YWHAE: variants seen among roughly 807,000 people sequenced by gnomAD.
YWHAE encodes 14-3-3 protein epsilon.
YWHAE carries 4 observed loss-of-function variants against 30.1 expected under a neutral mutation model. That is an observed-to-expected ratio of 0.13 (90% CI 0.07 to 0.30). YWHAE has a LOEUF of 0.30. Among genes scored for constraint, YWHAE ranks in the 10% least tolerant of loss-of-function variants. The pLI, the probability that YWHAE is intolerant of heterozygous loss-of-function variation, is 1.00. For synonymous variants in YWHAE, 118 were observed against 111.8 expected, an observed-to-expected ratio of 1.06 and a Z score of -0.35; for missense variants, 121 against 315.9, an observed-to-expected ratio of 0.38 and a Z score of 4.68.
chr17:1,345,685 T>C (rs2072505372), intron 5 of YWHAE, among the ~76,000 whole-genome samples, 186 bp from the exon 6 acceptor site: 1 of 152,148 alleles, frequency 6.6e-6, no homozygotes, highest in Non-Finnish European at 1.5e-5. Context: ...ATTATGGTCC[T>C]GAAAGTATTT....
At position 1,344,550 on chromosome 17, in the gene YWHAE, TAATTTAG is replaced by T; in HGVS notation, c.*890_*896del. ...ATGGAGGCGCGATATTTGGCATTTT[TAATTTAG>T]GTTTGTTTTATTTAAGTTTAATGTT... is the stretch of plus-strand genomic sequence containing the variant. On this transcript the variant is annotated 3_prime_UTR_variant, in exon 6 of 6. Transcript: ENST00000264335. 1 of 213,336 alleles carries T rather than the reference TAATTTAG, an allele frequency of 4.7e-6. No homozygotes were observed. Among genetic ancestry groups the T allele is most frequent in the Non-Finnish European group, 9.5e-6 (1 of 105,146 alleles). The allele number at this position is 213,336 out of a possible 1,614,324, so 13.2% of individuals were successfully genotyped here. A position where few individuals can be genotyped will look rare whatever the true frequency, so the allele number is the denominator to read the frequency against.
At chr17:1,383,596 C>T (rs1015273667) in intron 1 of YWHAE, among the ~76,000 whole-genome samples, 2 of 151,496 alleles carry the variant, frequency 1.3e-5, no homozygotes, top group Non-Finnish European at 2.9e-5. Flanking sequence ...CCATGTTGGC[C>T]AGGCTGGTCT....
chr17:1,354,974 T>TTG (rs1567957691), intron 4 of YWHAE, among the ~76,000 whole-genome samples: 1 of 69,782 alleles, frequency 1.4e-5, no homozygotes, highest in Non-Finnish European at 2.7e-5. Context: ...GTTTTTTTTT[T>TTG]TTTTTTTTTT....
chr17:1,394,445 A>AAAAAAAAAAAAAAAAACAAAAAC (rs1567987804), intron 1 of YWHAE, among the ~76,000 whole-genome samples: 1 of 142,504 alleles, frequency 7.0e-6, no homozygotes, highest in African/African-American at 2.9e-5. Context: ...ACAAAAAAAA[A>AAAAAAAAAAAAAAAAACAAAAAC]AAAAAAAAAA....
At chr17:1,394,460 A>AAACC (rs1555647412) in intron 1 of YWHAE, among the ~76,000 whole-genome samples, 2 of 137,632 alleles carry the variant, frequency 1.5e-5, no homozygotes, top group Admixed American at 7.4e-5. Context: ...AAAAAAAAAA[A>AAACC]ACACAAAAAT....
intron 1 of YWHAE, among the ~76,000 whole-genome samples, chr17:1,375,367 G>A (rs953195085): frequency 1.3e-5 from 2 of 152,090 alleles, no homozygotes; most frequent in Admixed American, 1.3e-4. Flanking sequence ...TCACATAAAG[G>A]CCCTCAACAC....
At chr17:1,392,869 T>C (rs906457584) in intron 1 of YWHAE, among the ~76,000 whole-genome samples, 7 of 149,936 alleles carry the variant, frequency 4.7e-5, no homozygotes, top group Admixed American at 1.3e-4. Flanking sequence ...AAAAAAGTTG[T>C]ATGACTACAT....
At chr17:1,387,726 G>A (rs1158484195) in intron 1 of YWHAE, among the ~76,000 whole-genome samples, 2 of 151,900 alleles carry the variant, frequency 1.3e-5, no homozygotes, top group African/African-American at 2.4e-5. Flanking sequence ...GAGTTCAAGC[G>A]ATTCTGCTGC....
intron 1 of YWHAE, among the ~76,000 whole-genome samples, chr17:1,388,106 TTTTTTTGGTTG>T (rs1443411283): frequency 4.7e-4 from 22 of 46,592 alleles, no homozygotes; most frequent in African/African-American, 1.8e-3. Context: ...TTTTTGTTTT[TTTTTTTGGTTG>T]GTTTTTTTTT....
Position 1,361,317 on chromosome 17 carries a change from TAAA to T in YWHAE, c.372-22_372-20del, listed in dbSNP as rs55734488. On this transcript the variant is annotated intron_variant, in intron 3 of 5. Coordinates refer to ENST00000264335, the MANE Select transcript of YWHAE (RefSeq NM_006761.5). Reference sequence around the variant, plus strand: ...CCCTTTCCTAAAACAAAACCAAAATTAAAAAAAAAAAAAAAATTTAAACTAGGA... The same window carrying T: ...CCCTTTCCTAAAACAAAACCAAAATTAAAAAAAAAAAAATTTAAACTAGGA... The T allele has an allele frequency of 4.7e-4, 632 of 1,356,296 alleles. No individual in the cohort carries two copies. The highest frequency in any genetic ancestry group is 7.9e-4 in the Admixed American group (31 of 39,410). 84.0% of individuals were successfully genotyped at this position (1,356,296 alleles called of 1,614,324 possible).
chr17:1,364,191 A>T (rs1307367096), intron 2 of YWHAE, among the ~76,000 whole-genome samples: 3 of 151,102 alleles, frequency 2.0e-5, no homozygotes, highest in African/African-American at 7.3e-5. Context: ...AAAAAAGAGG[A>T]ATCAGACAAA....
At chr17:1,358,248 T>C (rs529373976) in intron 4 of YWHAE, among the ~76,000 whole-genome samples, 11 of 150,410 alleles carry the variant, frequency 7.3e-5, no homozygotes, top group Non-Finnish European at 1.5e-4. Context: ...CAAAAAAAAA[T>C]TTTTTTTTTG....
rs147323096 is a variant in YWHAE, at chr17:1,387,399, A to T, written c.64+12648T>A. ...CTAAAACACTAAGTACAGGAAAAAC[A>T]GGTAGATCAAAGTCTGAATCTTTTT... On this transcript the variant is annotated intron_variant, in intron 1 of 5. Transcript: ENST00000264335. Among the ~76,000 whole-genome samples, 322 of 152,362 alleles carry T rather than the reference A, an allele frequency of 2.1e-3. 1 individual carries two copies. The highest frequency in any genetic ancestry group is 3.9e-3 in the Non-Finnish European group (262 of 68,032).
chr17:1,348,097 C>T (rs1226902708), intron 5 of YWHAE: 1 of 631,678 alleles, frequency 1.6e-6, no homozygotes, highest in Non-Finnish European at 2.0e-6. Context: ...CAAAGGAAAA[C>T]AATGATACAG....
At chr17:1,388,870 C>G (rs1481279465) in intron 1 of YWHAE, among the ~76,000 whole-genome samples, 1 of 152,174 alleles carries the variant, frequency 6.6e-6, no homozygotes, top group East Asian at 1.9e-4. Context: ...GGTCAAATAA[C>G]GTTCTTGAAA....
In YWHAE at chr17:1,397,949, T is replaced by C. The variant is rs538950362; in HGVS notation, c.64+2098A>G. 1.8e-3 allele frequency among the ~76,000 whole-genome samples: 271 copies of C among 152,280 alleles called. 2 individuals carry two copies. In the Middle Eastern group the frequency reaches 0.02, roughly 11 times the overall value. On this transcript the variant is annotated intron_variant, in intron 1 of 5. Coordinates refer to ENST00000264335, the MANE Select transcript of YWHAE (RefSeq NM_006761.5). ...ATGTGGCTGTATCAGAGTCCCATGTTCAATAACCAATAAGGGCTCTGGTCA... is the reference window on the plus strand; with the variant it reads ...ATGTGGCTGTATCAGAGTCCCATGTCCAATAACCAATAAGGGCTCTGGTCA...
At chr17:1,381,234 C>T (rs866711952) in intron 1 of YWHAE, among the ~76,000 whole-genome samples, 24 of 152,212 alleles carry the variant, frequency 1.6e-4, no homozygotes, top group Middle Eastern at 3.4e-3. Flanking sequence ...AAAAATTAGT[C>T]CGGGTGTGGT....
intron 1 of YWHAE, among the ~76,000 whole-genome samples, chr17:1,389,007 C>A (rs1366473974): frequency 2.0e-5 from 3 of 152,140 alleles, no homozygotes; most frequent in Non-Finnish European, 2.9e-5. Flanking sequence ...ACTATGTCAC[C>A]CAGGTGGGAG....
At chr17:1,351,707 C>T (rs930038715) in intron 5 of YWHAE, among the ~76,000 whole-genome samples, 5 of 152,144 alleles carry the variant, frequency 3.3e-5, no homozygotes, top group African/African-American at 7.2e-5. Flanking sequence ...TCGAAGCTCA[C>T]TGCAGCCTCA....
Sources: allele counts gnomAD v4.1 joint callset (sites outside exome capture counted in the v4.1 genomes callset), GRCh38; gene constraint gnomAD v4.1.1; transcripts MANE v1.5; gene names NCBI Gene and HGNC (gene_info 2026-07-23, HGNC 2026-07-21).